MAN1A2: variants seen among roughly 807,000 people sequenced by gnomAD.
The protein encoded by MAN1A2 is mannosyl-oligosaccharide 1,2-alpha-mannosidase IB.
In MAN1A2, 26 loss-of-function variants were observed where a neutral mutation model predicts 75.7. The observed-to-expected ratio is 0.34, with a 90% CI of 0.25 to 0.48. The LOEUF is 0.48. Ranked by LOEUF, MAN1A2 falls within the 20% of genes least tolerant of loss-of-function variation. The probability of loss-of-function intolerance (pLI) is 0.99; values close to 1 mark genes in which losing one functional copy is unlikely to be tolerated. For missense variants in MAN1A2, 562 were observed against 775.5 expected, an observed-to-expected ratio of 0.72 and a Z score of 3.27; for synonymous variants, 247 against 264.6, an observed-to-expected ratio of 0.93 and a Z score of 0.65.
chr1:117,384,114 A>G (rs956566008), intron 1 of MAN1A2, among the ~76,000 whole-genome samples: 9 of 151,952 alleles, frequency 5.9e-5, no homozygotes, highest in Non-Finnish European at 1.0e-4. Context: ...TTGTTTTTCT[A>G]TTCTCTGTTT....
rs370825228 is a variant in MAN1A2 at position 117,396,629 on chromosome 1, A to G, written c.303-5557A>G. ...AATAAAATTTTGAGTCATATAGAGA[A>G]GAAAACTAGCAAGAAAGTTCATAGT... On this transcript the variant is annotated intron_variant, in intron 1 of 12. Transcript: ENST00000356554. 1.8e-4 allele frequency among the ~76,000 whole-genome samples: 27 copies of G among 152,328 alleles called. No individual in the cohort carries two copies. In the South Asian group the frequency reaches 2.7e-3, roughly 15 times the overall value.
At chr1:117,390,719 CT>C (rs1001124214) in intron 1 of MAN1A2, among the ~76,000 whole-genome samples, 7 of 151,572 alleles carry the variant, frequency 4.6e-5, no homozygotes, top group Admixed American at 1.3e-4. Flanking sequence ...GATATAAGAT[CT>C]TTTTTCCCCC....
At chr1:117,471,095 A>G (rs926820076) in intron 8 of MAN1A2, among the ~76,000 whole-genome samples, 3 of 151,862 alleles carry the variant, frequency 2.0e-5, no homozygotes, top group East Asian at 3.9e-4. Flanking sequence ...TTTAATGATT[A>G]AAGTGAAGAA....
chr1:117,518,725 C>T (rs1651789498), intron 12 of MAN1A2, among the ~76,000 whole-genome samples: 1 of 151,970 alleles, frequency 6.6e-6, no homozygotes, highest in African/African-American at 2.4e-5. Flanking sequence ...TAGACAGCAA[C>T]ACAACAATAA....
chr1:117,438,529 A>G (rs1385384767), intron 5 of MAN1A2, among the ~76,000 whole-genome samples: 1 of 152,204 alleles, frequency 6.6e-6, no homozygotes, highest in African/African-American at 2.4e-5. Flanking sequence ...AATGTTCAGT[A>G]ATGTCCTAGG....
intron 1 of MAN1A2, among the ~76,000 whole-genome samples, chr1:117,372,559 GA>G (rs1349306429): frequency 6.6e-6 from 1 of 152,080 alleles, no homozygotes; most frequent in African/African-American, 2.4e-5. Flanking sequence ...AAACACTGTA[GA>G]TACACTTTAT....
chr1:117,483,709 A>G (rs1650573542), intron 8 of MAN1A2, among the ~76,000 whole-genome samples: 1 of 151,886 alleles, frequency 6.6e-6, no homozygotes, highest in Non-Finnish European at 1.5e-5. Flanking sequence ...TTCCTTTCCT[A>G]ATTGAATCCC....
Position 117,441,385 on chromosome 1 carries a change from A to G in MAN1A2, c.856-846A>G, listed in dbSNP as rs148446294. On this transcript the variant is annotated intron_variant, in intron 5 of 12. Transcript: ENST00000356554. ...TTATCAAAAGTATTTGGCTGCAGTA[A>G]AAAGATGGAATTTTAAATAACTACT... Among the ~76,000 whole-genome samples, 109 of 152,270 alleles carry G rather than the reference A, an allele frequency of 7.2e-4. 1 individual carries two copies. Among genetic ancestry groups the G allele is most frequent in the African/African-American group, 2.6e-3 (108 of 41,566 alleles).
chr1:117,438,159 T>A (rs944719546), intron 5 of MAN1A2, among the ~76,000 whole-genome samples: 2 of 152,222 alleles, frequency 1.3e-5, no homozygotes, highest in Admixed American at 6.5e-5. Flanking sequence ...ATAATGGAGC[T>A]GCAAAATTCT....
intron 1 of MAN1A2, among the ~76,000 whole-genome samples, chr1:117,374,446 T>C (rs1372354362): frequency 6.6e-6 from 1 of 152,208 alleles, no homozygotes; most frequent in Non-Finnish European, 1.5e-5. Context: ...TTATTCCTGT[T>C]AAAACATGGT....
chr1:117,454,986 A>G (rs1327304321), intron 6 of MAN1A2, among the ~76,000 whole-genome samples: 1 of 152,182 alleles, frequency 6.6e-6, no homozygotes, highest in Non-Finnish European at 1.5e-5. Context: ...GAAGGCAGGA[A>G]TAGAGAAGGA....
chr1:117,416,263 A>G (rs892883727), intron 4 of MAN1A2, among the ~76,000 whole-genome samples: 1 of 152,086 alleles, frequency 6.6e-6, no homozygotes, highest in African/African-American at 2.4e-5. Context: ...TTCTTTATCC[A>G]TATGTCAATA....
chr1:117,408,191 A>G (rs908059994), intron 3 of MAN1A2, among the ~76,000 whole-genome samples: 3 of 151,876 alleles, frequency 2.0e-5, no homozygotes, highest in Non-Finnish European at 4.4e-5. Flanking sequence ...AGATGGGAGG[A>G]TCGCCTGGGG....
At chr1:117,400,286 C>G (rs1557934760) in intron 1 of MAN1A2, among the ~76,000 whole-genome samples, 2 of 151,822 alleles carry the variant, frequency 1.3e-5, no homozygotes, top group Non-Finnish European at 2.9e-5. Context: ...CTTTCTCTCT[C>G]TTGTTTCTCT....
chr1:117,387,755 GA>G (rs908733021), intron 1 of MAN1A2, among the ~76,000 whole-genome samples: 1 of 152,108 alleles, frequency 6.6e-6, no homozygotes, highest in Non-Finnish European at 1.5e-5. Context: ...TGGAGGCTGA[GA>G]AGTGATGAAG....
At chr1:117,485,328 T>G (rs924188247) in intron 8 of MAN1A2, among the ~76,000 whole-genome samples, 3 of 151,988 alleles carry the variant, frequency 2.0e-5, no homozygotes, top group African/African-American at 7.2e-5. Context: ...TTCTGCTTCA[T>G]GGAAGAAGAT....
chr1:117,396,341 G>A (rs1025444193), intron 1 of MAN1A2, among the ~76,000 whole-genome samples: 3 of 152,276 alleles, frequency 2.0e-5, no homozygotes, highest in African/African-American at 7.2e-5. Flanking sequence ...AGTCAATGGT[G>A]AGACTTCTCT....
At chr1:117,382,543 C>A (rs1056802837) in intron 1 of MAN1A2, among the ~76,000 whole-genome samples, 1 of 152,120 alleles carries the variant, frequency 6.6e-6, no homozygotes, top group African/African-American at 2.4e-5. Flanking sequence ...TGATCTATAT[C>A]TCTGTTTTGG....
chr1:117,402,045 C>T (rs886962917), intron 1 of MAN1A2, 141 bp from the exon 2 acceptor site: 59 of 735,574 alleles, frequency 8.0e-5, no homozygotes, highest in Non-Finnish European at 1.1e-4. Context: ...GAATGTGTCT[C>T]ACTGATAATT....
Sources: gnomAD v4.1 joint callset for allele counts (sites outside exome capture counted in the v4.1 genomes callset) on GRCh38, gnomAD v4.1.1 for gene constraint, MANE v1.5 for transcripts, NCBI Gene and HGNC (gene_info 2026-07-23, HGNC 2026-07-21) for gene names.